Variants in SH3RF3 observed in about 807,000 individuals in gnomAD.
SH3RF3 encodes SH3 domain containing ring finger 3.
Under a neutral mutation model 66.3 loss-of-function variants are expected in SH3RF3, and 29 were observed. The observed-to-expected ratio is 0.44, with a 90% CI of 0.33 to 0.60. The LOEUF (loss-of-function observed/expected upper bound fraction) is 0.60. SH3RF3 is among the 20% of genes least tolerant of loss of function. The probability of loss-of-function intolerance (pLI) is 0.04; values close to 1 mark genes in which losing one functional copy is unlikely to be tolerated. For synonymous variants in SH3RF3, 583 were observed against 532.0 expected, an observed-to-expected ratio of 1.10 and a Z score of -1.32; for missense variants, 1,194 against 1,190.9, an observed-to-expected ratio of 1.00 and a Z score of -0.04.
chr2:109,469,820 A>T (rs1678456169), intron 8 of SH3RF3, among the ~76,000 whole-genome samples: 1 of 152,066 alleles, frequency 6.6e-6, no homozygotes, highest in Non-Finnish European at 1.5e-5. Context: ...GTAGATCCGA[A>T]TTTTTCCAGC....
intron 1 of SH3RF3, among the ~76,000 whole-genome samples, chr2:109,188,439 C>T (rs1558947540): frequency 6.6e-6 from 1 of 152,222 alleles, no homozygotes; most frequent in Non-Finnish European, 1.5e-5. Context: ...ATCCACACAA[C>T]AGGTGTGGAT....
intron 4 of SH3RF3, among the ~76,000 whole-genome samples, chr2:109,412,109 C>A (rs1013733904): frequency 5.3e-5 from 8 of 152,222 alleles, no homozygotes; most frequent in African/African-American, 1.9e-4. Flanking sequence ...TCACGCAGGG[C>A]AGTCGGTGGA....
At chr2:109,133,005 C>T (rs1282544171) in intron 1 of SH3RF3, among the ~76,000 whole-genome samples, 1 of 152,186 alleles carries the variant, frequency 6.6e-6, no homozygotes, top group Non-Finnish European at 1.5e-5. Context: ...TACAGAACAT[C>T]TTCTGCAGTT....
At chr2:109,424,177 G>A (rs544772187) in intron 5 of SH3RF3, among the ~76,000 whole-genome samples, 3 of 152,346 alleles carry the variant, frequency 2.0e-5, no homozygotes, top group African/African-American at 7.2e-5. Context: ...AGGGAAGCCT[G>A]TCTGATCCTC....
intron 8 of SH3RF3, among the ~76,000 whole-genome samples, chr2:109,466,058 T>G (rs1200593950): frequency 6.8e-6 from 1 of 147,792 alleles, no homozygotes; most frequent in Non-Finnish European, 1.5e-5. Context: ...TATGCTTATC[T>G]GCTACCTGTA....
At chr2:109,172,539 C>A (rs557251774) in intron 1 of SH3RF3, among the ~76,000 whole-genome samples, 2 of 152,212 alleles carry the variant, frequency 1.3e-5, no homozygotes, top group Non-Finnish European at 2.9e-5. Context: ...CCGCTTGTCC[C>A]GTCCTAGCTC....
At chr2:109,190,453 C>T (rs1678321718) in intron 1 of SH3RF3, among the ~76,000 whole-genome samples, 2 of 152,212 alleles carry the variant, frequency 1.3e-5, no homozygotes. Context: ...GGGTTATAGG[C>T]GTGAGCCACT....
intron 1 of SH3RF3, among the ~76,000 whole-genome samples, chr2:109,188,330 C>T (rs1262388093): frequency 1.3e-5 from 2 of 152,186 alleles, no homozygotes; most frequent in Admixed American, 6.5e-5. Flanking sequence ...TGGCCTGGAG[C>T]GTGGTCTCTT....
At chr2:109,416,090 G>A (rs1275222591) in intron 4 of SH3RF3, among the ~76,000 whole-genome samples, 1 of 152,142 alleles carries the variant, frequency 6.6e-6, no homozygotes, top group East Asian at 1.9e-4. Flanking sequence ...GCACTTCTCA[G>A]TCTCCAGAAC....
chr2:109,326,733 G>A (rs1682169117), intron 1 of SH3RF3, among the ~76,000 whole-genome samples: 1 of 152,194 alleles, frequency 6.6e-6, no homozygotes, highest in Non-Finnish European at 1.5e-5. Flanking sequence ...CTTACCTGGT[G>A]TTTACTGCCA....
chr2:109,289,500 TG>T (rs1681114901), intron 1 of SH3RF3, among the ~76,000 whole-genome samples: 1 of 152,164 alleles, frequency 6.6e-6, no homozygotes, highest in Non-Finnish European at 1.5e-5. Context: ...TACGCACTCT[TG>T]GTCAGACATT....
At chr2:109,493,786 C>G (rs1242006606) in intron 9 of SH3RF3, among the ~76,000 whole-genome samples, 2 of 152,074 alleles carry the variant, frequency 1.3e-5, no homozygotes, top group Non-Finnish European at 2.9e-5. Flanking sequence ...ACACACCAGG[C>G]AAACACACAT....
At chr2:109,460,915 G>A (rs1319315583) in intron 8 of SH3RF3, among the ~76,000 whole-genome samples, 1 of 152,226 alleles carries the variant, frequency 6.6e-6, no homozygotes, top group Non-Finnish European at 1.5e-5. Flanking sequence ...GTCCCAGAGA[G>A]GGGCTGCAGT....
intron 6 of SH3RF3, among the ~76,000 whole-genome samples, chr2:109,434,583 G>A (rs532533628): frequency 6.6e-6 from 1 of 152,306 alleles, no homozygotes; most frequent in African/African-American, 2.4e-5. Context: ...CTGCTTCTGA[G>A]TTAAATCCCT....
intron 3 of SH3RF3, among the ~76,000 whole-genome samples, chr2:109,383,503 T>C (rs1041934088): frequency 2.0e-5 from 3 of 152,222 alleles, no homozygotes; most frequent in African/African-American, 7.2e-5. Context: ...TCCTCCATGG[T>C]ACCTTCTGTT....
chr2:109,454,123 A>G (rs887711503), intron 8 of SH3RF3, among the ~76,000 whole-genome samples: 3 of 152,238 alleles, frequency 2.0e-5, no homozygotes, highest in Non-Finnish European at 1.5e-5. Flanking sequence ...GATAAGAGAG[A>G]GAAGAAAACA....
At chr2:109,390,477 C>G (rs566791657) in intron 3 of SH3RF3, among the ~76,000 whole-genome samples, 1 of 151,926 alleles carries the variant, frequency 6.6e-6, no homozygotes, top group East Asian at 1.9e-4. Context: ...TCTGGCAGGT[C>G]TTAATACTGA....
intron 5 of SH3RF3, among the ~76,000 whole-genome samples, chr2:109,426,044 C>A (rs979071543): frequency 3.3e-5 from 5 of 152,162 alleles, no homozygotes; most frequent in African/African-American, 1.2e-4. Flanking sequence ...ATTACAGGCG[C>A]ATGCCACCAC....
intron 1 of SH3RF3, among the ~76,000 whole-genome samples, chr2:109,247,507 A>C (rs2105241695): frequency 6.6e-6 from 1 of 152,264 alleles, no homozygotes; most frequent in East Asian, 1.9e-4. Flanking sequence ...TCCCACCTTA[A>C]GGCAGGCATG....
Sources: gnomAD v4.1 joint callset for allele counts (sites outside exome capture counted in the v4.1 genomes callset) on GRCh38, gnomAD v4.1.1 for gene constraint, MANE v1.5 for transcripts, NCBI Gene and HGNC (gene_info 2026-07-23, HGNC 2026-07-21) for gene names.